The following ADCY2 variants were observed in gnomAD, a reference collection of about 807,000 sequenced individuals.
ADCY2 encodes adenylate cyclase 2.
ADCY2 carries 31 observed loss-of-function variants against 125.2 expected under a neutral mutation model. The observed-to-expected ratio is 0.25, with a 90% CI of 0.19 to 0.33. The LOEUF is 0.33. ADCY2 is among the 10% of genes least tolerant of loss of function. ADCY2 has a pLI of 1.00. For missense variants in ADCY2, 904 were observed against 1,418.2 expected, an observed-to-expected ratio of 0.64 and a Z score of 5.82; for synonymous variants, 512 against 548.4, an observed-to-expected ratio of 0.93 and a Z score of 0.93.
chr5:7,574,978 T>G (rs1012549781), intron 3 of ADCY2, among the ~76,000 whole-genome samples: 5 of 152,160 alleles, frequency 3.3e-5, no homozygotes, highest in Non-Finnish European at 7.3e-5. Context: ...TAGTATTGTA[T>G]GAAGAAAACA....
At chr5:7,526,926 A>G (rs537252512) in intron 3 of ADCY2, among the ~76,000 whole-genome samples, 1 of 149,756 alleles carries the variant, frequency 6.7e-6, no homozygotes, top group East Asian at 2.0e-4. Context: ...TCATTTCTAT[A>G]TGATACATCT....
At chr5:7,445,299 C>T (rs924362573) in intron 2 of ADCY2, among the ~76,000 whole-genome samples, 6 of 152,112 alleles carry the variant, frequency 3.9e-5, no homozygotes, top group African/African-American at 1.2e-4. Flanking sequence ...ATGTGGCTAC[C>T]CAGCTGGCCC....
chr5:7,712,933 T>G, intron 11 of ADCY2, 34 bp downstream of exon 11: 1 of 1,436,806 alleles, frequency 7.0e-7, no homozygotes, highest in Non-Finnish European at 9.7e-7. Flanking sequence ...TTTTAAAGCT[T>G]ATTGCTCTTT....
At chr5:7,616,647 C>T (rs1186741172) in intron 3 of ADCY2, among the ~76,000 whole-genome samples, 1 of 152,134 alleles carries the variant, frequency 6.6e-6, no homozygotes, top group African/African-American at 2.4e-5. Flanking sequence ...TTACCAGCCC[C>T]AAATGTCTAA....
intron 12 of ADCY2, among the ~76,000 whole-genome samples, chr5:7,720,981 C>T (rs1368259296): frequency 6.6e-6 from 1 of 152,198 alleles, no homozygotes; most frequent in African/African-American, 2.4e-5. Flanking sequence ...CACTGTCTTC[C>T]ACAATGGTTG....
At chr5:7,526,670 C>A (rs1269429836) in intron 3 of ADCY2, among the ~76,000 whole-genome samples, 1 of 152,108 alleles carries the variant, frequency 6.6e-6, no homozygotes, top group Non-Finnish European at 1.5e-5. Context: ...TTGAACACAG[C>A]AATTATTAGT....
intron 15 of ADCY2, among the ~76,000 whole-genome samples, chr5:7,745,131 C>T (rs1036398469): frequency 1.3e-5 from 2 of 152,174 alleles, no homozygotes; most frequent in African/African-American, 4.8e-5. Flanking sequence ...ATCAGGACAG[C>T]GCGATAGTGG....
chr5:7,672,190 T>G (rs906402174), intron 4 of ADCY2, among the ~76,000 whole-genome samples: 3 of 152,136 alleles, frequency 2.0e-5, no homozygotes, highest in Admixed American at 1.3e-4. Context: ...AACTTAAAAT[T>G]TATTATTTTC....
In ADCY2 at chr5:7,594,206, G is replaced by A. The variant is rs147119396; in HGVS notation, c.571-31961G>A. ...GACAGGGCCTCAAGGGCAGTTTAGA[G>A]GCCACTGCAAATCCAGACGAGAGGT... On this transcript the variant is annotated intron_variant, in intron 3 of 24. Coordinates refer to ENST00000338316, the MANE Select transcript of ADCY2 (RefSeq NM_020546.3). Among the ~76,000 whole-genome samples the A allele has an allele frequency of 2.0e-5, 3 of 152,202 alleles. No homozygotes were observed. The East Asian group carries it at 5.8e-4, about 29-fold the overall frequency.
At chr5:7,775,834 G>T (rs1435790112) in intron 18 of ADCY2, among the ~76,000 whole-genome samples, 1 of 152,188 alleles carries the variant, frequency 6.6e-6, no homozygotes, top group Non-Finnish European at 1.5e-5. Flanking sequence ...CCCTGAACGG[G>T]CTGCACGATA....
At chr5:7,630,949 G>C (rs1451110525) in intron 4 of ADCY2, among the ~76,000 whole-genome samples, 1 of 151,920 alleles carries the variant, frequency 6.6e-6, no homozygotes, top group African/African-American at 2.4e-5. Context: ...CACCACACCT[G>C]GCTAACTTTT....
chr5:7,451,361 A>G (rs1388197646), intron 2 of ADCY2, among the ~76,000 whole-genome samples: 1 of 152,170 alleles, frequency 6.6e-6, no homozygotes, highest in African/African-American at 2.4e-5. Context: ...TGTTCAATGC[A>G]TGGAGGAAGT....
chr5:7,479,044 T>C (rs967718042), intron 2 of ADCY2, among the ~76,000 whole-genome samples: 42 of 152,130 alleles, frequency 2.8e-4, no homozygotes, highest in African/African-American at 9.7e-4. Context: ...GTTTGGATGA[T>C]TAAAACTTGG....
At chr5:7,583,557 A>G (rs905942943) in intron 3 of ADCY2, among the ~76,000 whole-genome samples, 7 of 152,124 alleles carry the variant, frequency 4.6e-5, no homozygotes, top group African/African-American at 1.7e-4. Flanking sequence ...CCAGAATGAG[A>G]TAACACTACC....
At chr5:7,779,406 G>A (rs1179806259) in intron 18 of ADCY2, among the ~76,000 whole-genome samples, 1 of 152,188 alleles carries the variant, frequency 6.6e-6, no homozygotes, top group Non-Finnish European at 1.5e-5. Flanking sequence ...CTAATCATCA[G>A]TTCTTCCATG....
At chr5:7,825,392 C>A (rs909699329) in intron 24 of ADCY2, among the ~76,000 whole-genome samples, 24 of 151,980 alleles carry the variant, frequency 1.6e-4, no homozygotes, top group African/African-American at 5.8e-4. Flanking sequence ...GGTGCCATAG[C>A]AACACTGCTG....
chr5:7,439,314 C>T (rs554932396), intron 2 of ADCY2, among the ~76,000 whole-genome samples: 16 of 152,190 alleles, frequency 1.1e-4, no homozygotes, highest in Non-Finnish European at 1.8e-4. Context: ...AGCAAAGACA[C>T]GTCTTACATG....
chr5:7,416,316 C>T (rs887948297), intron 2 of ADCY2, among the ~76,000 whole-genome samples: 2 of 152,100 alleles, frequency 1.3e-5, no homozygotes, highest in South Asian at 4.1e-4. Context: ...CAAGACCCGG[C>T]GGGCGCCATC....
At chr5:7,596,852 A>G (rs1737023322) in intron 3 of ADCY2, among the ~76,000 whole-genome samples, 2 of 152,240 alleles carry the variant, frequency 1.3e-5, no homozygotes, top group Non-Finnish European at 2.9e-5. Context: ...CTGAATCAGT[A>G]AATTAGAGTA....
Sources: allele counts gnomAD v4.1 joint callset (sites outside exome capture counted in the v4.1 genomes callset), GRCh38; gene constraint gnomAD v4.1.1; transcripts MANE v1.5; gene names NCBI Gene and HGNC (gene_info 2026-07-23, HGNC 2026-07-21).